The following ACTR2 variants were observed in gnomAD, a reference collection of about 807,000 sequenced individuals.
ACTR2 encodes actin related protein 2.
A neutral mutation model predicts 50.2 loss-of-function variants in ACTR2; 5 were observed. The ratio of observed to expected loss-of-function variants is 0.10; its 90% CI spans 0.05 to 0.21. ACTR2 has a LOEUF of 0.21. Ranked by LOEUF, ACTR2 falls within the 10% of genes least tolerant of loss-of-function variation. The probability of loss-of-function intolerance (pLI) is 1.00; values close to 1 mark genes in which losing one functional copy is unlikely to be tolerated. For missense variants in ACTR2, 180 were observed against 480.6 expected, an observed-to-expected ratio of 0.37 and a Z score of 5.85; for synonymous variants, 140 against 162.9, an observed-to-expected ratio of 0.86 and a Z score of 1.07.
chr2:65,230,515 G>A (rs891486756), intron 1 of ACTR2, among the ~76,000 whole-genome samples: 4 of 150,644 alleles, frequency 2.7e-5, no homozygotes, highest in African/African-American at 7.3e-5. Context: ...GGGCTCAAGC[G>A]GTTCTCCTGC....
At chr2:65,262,769 C>T (rs1672293292) in intron 7 of ACTR2, among the ~76,000 whole-genome samples, 1 of 151,886 alleles carries the variant, frequency 6.6e-6, no homozygotes, top group Admixed American at 6.6e-5. Context: ...CCAGCCTGGG[C>T]AACATATGGA....
chr2:65,240,522 T>TA (rs754405569), intron 2 of ACTR2, among the ~76,000 whole-genome samples: 24 of 152,204 alleles, frequency 1.6e-4, no homozygotes, highest in Non-Finnish European at 2.8e-4. Flanking sequence ...TTATGTATCT[T>TA]ACCATAAAGA....
At chr2:65,254,555 T>G (rs189150864) in intron 5 of ACTR2, among the ~76,000 whole-genome samples, 2 of 152,162 alleles carry the variant, frequency 1.3e-5, no homozygotes, top group Non-Finnish European at 2.9e-5. Flanking sequence ...CTATAATCAG[T>G]CTATCCTCTC....
At chr2:65,252,525 A>G (rs1252453212) in intron 4 of ACTR2, among the ~76,000 whole-genome samples, 2 of 152,054 alleles carry the variant, frequency 1.3e-5, no homozygotes, top group East Asian at 1.9e-4. Flanking sequence ...TGTGCCTGTA[A>G]TCCCAGCTAC....
chr2:65,253,445 CAAA>C (rs1323520657), intron 4 of ACTR2, among the ~76,000 whole-genome samples: 1 of 139,354 alleles, frequency 7.2e-6, no homozygotes, highest in African/African-American at 2.7e-5. Context: ...GACCCTGTCT[CAAA>C]AAAAAAAAGG....
intron 3 of ACTR2, among the ~76,000 whole-genome samples, chr2:65,248,130 G>A (rs1671973959): frequency 6.6e-6 from 1 of 152,204 alleles, no homozygotes; most frequent in Non-Finnish European, 1.5e-5. Flanking sequence ...GCTGGAAGTG[G>A]TGGTTCAGGC....
At chr2:65,265,269 C>T (rs1672350044) in intron 8 of ACTR2, 94 bp downstream of exon 8, 1 of 1,414,458 alleles carries the variant, frequency 7.1e-7, no homozygotes, top group South Asian at 1.2e-5. Context: ...AGCAAGACGT[C>T]TTCCAAAACA....
In ACTR2 at chr2:65,231,513, A is replaced by G. The variant is rs80207241; in HGVS notation, c.48+3556A>G. 7.2e-5 allele frequency among the ~76,000 whole-genome samples: 11 copies of G among 152,252 alleles called. 1 individual carries two copies. The East Asian group carries it at 1.7e-3, about 24-fold the overall frequency. On this transcript the variant is annotated intron_variant, in intron 1 of 8. Coordinates refer to ENST00000260641, the MANE Select transcript of ACTR2 (RefSeq NM_005722.4). Reference sequence around the variant, plus strand: ...ATAGTTGTTATCCTAAGGTGTTTTCATTTGCTCCTTACATGCCTTAGGTTT... The same window carrying G: ...ATAGTTGTTATCCTAAGGTGTTTTCGTTTGCTCCTTACATGCCTTAGGTTT...
chr2:65,246,340 T>C, intron 2 of ACTR2, 184 bp from the exon 3 acceptor site: 1 of 495,148 alleles, frequency 2.0e-6, no homozygotes, highest in Non-Finnish European at 3.6e-6. Flanking sequence ...AACCACATTG[T>C]ATGTAAAAAT....
intron 1 of ACTR2, among the ~76,000 whole-genome samples, chr2:65,234,899 A>G (rs1671711298): frequency 6.6e-6 from 1 of 152,220 alleles, no homozygotes; most frequent in Non-Finnish European, 1.5e-5. Flanking sequence ...ATCCGGATAA[A>G]TGGATACTTT....
At chr2:65,266,279 T>G (rs1424026589) in intron 8 of ACTR2, among the ~76,000 whole-genome samples, 1 of 152,184 alleles carries the variant, frequency 6.6e-6, no homozygotes, top group Non-Finnish European at 1.5e-5. Context: ...TCATAAACTG[T>G]GATCAGGAAA....
At chr2:65,255,924 A>G (rs556156491) in intron 6 of ACTR2, among the ~76,000 whole-genome samples, 1 of 152,360 alleles carries the variant, frequency 6.6e-6, no homozygotes, top group East Asian at 1.9e-4. Flanking sequence ...CTATACTAGG[A>G]TATAATTAGA....
intron 4 of ACTR2, among the ~76,000 whole-genome samples, chr2:65,253,393 A>G (rs989308452): frequency 7.9e-5 from 12 of 151,948 alleles, no homozygotes; most frequent in African/African-American, 2.2e-4. Flanking sequence ...CAGTGAGCCT[A>G]GATTGAGCCA....
At chr2:65,256,672 G>A (rs932702411) in intron 6 of ACTR2, among the ~76,000 whole-genome samples, 2 of 152,164 alleles carry the variant, frequency 1.3e-5, no homozygotes, top group Non-Finnish European at 2.9e-5. Context: ...AGGAGTTGGA[G>A]AACAGCCTGG....
intron 6 of ACTR2, among the ~76,000 whole-genome samples, chr2:65,257,102 C>A (rs1004316809): frequency 1.3e-5 from 2 of 151,894 alleles, no homozygotes; most frequent in East Asian, 3.9e-4. Context: ...CTCCCCTTGC[C>A]GCCCCCCACC....
Position 65,251,127 on chromosome 2 carries a change from A to T in ACTR2, c.448+28A>T, listed in dbSNP as rs370166783. 6.7e-5 allele frequency: 100 copies of T among 1,481,742 alleles called. No homozygotes were observed. The African/African-American group carries it at 1.3e-3, about 20-fold the overall frequency. The allele number at this position is 1,481,742 out of a possible 1,614,324, so 91.8% of individuals were successfully genotyped here. A position where few individuals can be genotyped will look rare whatever the true frequency, so the allele number is the denominator to read the frequency against. On this transcript the variant is annotated intron_variant, in intron 4 of 8. Coordinates refer to ENST00000260641, the MANE Select transcript of ACTR2 (RefSeq NM_005722.4). The stretch of plus-strand genomic sequence containing the variant: ...AGGTTAAGCTTAACTGTTAGAAAAA[A>T]CACTTCATCAAACATTTATTATGTA...
intron 2 of ACTR2, among the ~76,000 whole-genome samples, chr2:65,244,639 G>T (rs1477894612): frequency 1.3e-5 from 2 of 152,092 alleles, no homozygotes; most frequent in Non-Finnish European, 2.9e-5. Flanking sequence ...TTTTAGTTTT[G>T]CATATTCCTC....
chr2:65,265,760 T>C (rs1672358301), intron 8 of ACTR2, among the ~76,000 whole-genome samples: 1 of 152,198 alleles, frequency 6.6e-6, no homozygotes, highest in South Asian at 2.1e-4. Context: ...GTTTTTGTGT[T>C]TTTTCCACCA....
chr2:65,257,785 G>T (rs532937125), intron 6 of ACTR2, among the ~76,000 whole-genome samples: 1 of 152,180 alleles, frequency 6.6e-6, no homozygotes, highest in East Asian at 1.9e-4. Flanking sequence ...TTTTTCATGG[G>T]GTTATTTGTC....
Sources: allele counts gnomAD v4.1 joint callset (sites outside exome capture counted in the v4.1 genomes callset), GRCh38; gene constraint gnomAD v4.1.1; transcripts MANE v1.5; gene names NCBI Gene and HGNC (gene_info 2026-07-23, HGNC 2026-07-21).